The following C16orf46 variants were observed in gnomAD, a reference collection of about 807,000 sequenced individuals.
C16orf46 encodes the protein uncharacterized protein C16orf46.
C16orf46 carries 7 observed loss-of-function variants against 5.5 expected under a neutral mutation model. The observed-to-expected ratio is 1.28, with a 90% confidence interval of 0.73 to 2.40. C16orf46 has a LOEUF of 2.40. Among genes scored for constraint, C16orf46 ranks in the 30% most tolerant of loss-of-function variants. The pLI, the probability that C16orf46 is intolerant of heterozygous loss-of-function variation, is 0.00. For synonymous variants in C16orf46, 200 were observed against 184.1 expected (o/e 1.09, Z -0.70); for missense variants, 614 against 476.0 (o/e 1.29, Z -2.70).
At position 81,061,262 on chromosome 16, in the gene C16orf46, T is replaced by C. The variant is rs1817613970; in HGVS notation, c.1087A>G (p.Arg363Gly). The C allele has an allele frequency of 6.2e-7, 1 of 1,614,038 alleles. No individual in the cohort carries two copies. The highest frequency in any genetic ancestry group is 1.3e-5 in the African/African-American group (1 of 74,902). Reference sequence around the variant, plus strand: ...ACTTTGGTCTCCAGCATTTGGGGCCTGTTTTCCTGCTTGGCCTTTGGGAGA... The same window carrying C: ...ACTTTGGTCTCCAGCATTTGGGGCCCGTTTTCCTGCTTGGCCTTTGGGAGA... ...HVLPKAKQENRPQMLETKVFP... is the reference protein window; with the variant it reads ...HVLPKAKQENGPQMLETKVFP... Residue 363 changes from arginine (R) to glycine (G), a missense_variant, in exon 4 of 4, where the codon AGG becomes GGG. Arg to Gly is a moderately radical substitution (Grantham distance 125). Coordinates refer to ENST00000299578, the MANE Select transcript of C16orf46 (RefSeq NM_152337.3).
rs771489469 is a variant in C16orf46 at position 81,061,775 on chromosome 16, C to T, written c.574G>A (p.Gly192Arg). ...RGKASGNPSGGAHRGLSIPGP... is the reference protein window; with the variant it reads ...RGKASGNPSGRAHRGLSIPGP... ...GGGATGGACAGCCCTCTGTGGGCCC[C>T]TCCACTGGGATTCCCAGAGGCCTTG... Residue 192 changes from glycine to arginine, a missense_variant, in exon 4 of 4, where the codon GGG becomes AGG. Coordinates refer to ENST00000299578, the MANE Select transcript of C16orf46 (RefSeq NM_152337.3). 1 of 1,613,928 alleles carries T rather than the reference C, an allele frequency of 6.2e-7. No individual in the cohort carries two copies. Among genetic ancestry groups the T allele is most frequent in the East Asian group, 2.2e-5 (1 of 44,872 alleles).
chr16:81,060,932 G>GT, downstream of C16orf46: 1 of 1,278,244 alleles, frequency 7.8e-7, no homozygotes, highest in Non-Finnish European at 1.0e-6. Flanking sequence ...GCAGAAGCAC[G>GT]TTAACACATG....
intron 2 of C16orf46, among the ~76,000 whole-genome samples, chr16:81,065,177 A>G (rs190027385): frequency 1.7e-4 from 26 of 152,300 alleles, no homozygotes; most frequent in Non-Finnish European, 1.5e-4. Flanking sequence ...CTCATCTATA[A>G]AAAGGGCTAA....
At chr16:81,071,678 G>A (rs540462976) in intron 1 of C16orf46, among the ~76,000 whole-genome samples, 1 of 152,050 alleles carries the variant, frequency 6.6e-6, no homozygotes, top group African/African-American at 2.4e-5. Context: ...CCCGGAGGGA[G>A]ATCTTGTCTC....
downstream of C16orf46, among the ~76,000 whole-genome samples, chr16:81,058,366 C>T (rs911826768): frequency 6.6e-6 from 1 of 152,142 alleles, no homozygotes; most frequent in African/African-American, 2.4e-5. Flanking sequence ...GGAGATTGAA[C>T]TTGAAAAGTT....
chr16:81,056,695 C>CAAAAA (rs10539282), downstream of C16orf46, among the ~76,000 whole-genome samples: 1 of 85,604 alleles, frequency 1.2e-5, no homozygotes, highest in African/African-American at 4.3e-5. Flanking sequence ...GACTCCGTCT[C>CAAAAA]AAAAAAAAAA....
chr16:81,069,644 A>G (rs1971777817), intron 1 of C16orf46, among the ~76,000 whole-genome samples: 1 of 152,184 alleles, frequency 6.6e-6, no homozygotes. Flanking sequence ...TACCACATTA[A>G]TCTGGTATCA....
chr16:81,055,616 C>A (rs565144664), intron 3 of C16orf46, among the ~76,000 whole-genome samples: 2 of 152,306 alleles, frequency 1.3e-5, no homozygotes, highest in East Asian at 3.9e-4. Context: ...ATCGCTTAAA[C>A]CCTGCAGGCT....
At chr16:81,064,944 C>T (rs945412719) in intron 2 of C16orf46, among the ~76,000 whole-genome samples, 15 of 152,092 alleles carry the variant, frequency 9.9e-5, no homozygotes. Context: ...CTCAGTCTGT[C>T]GTACATTGTC....
At position 81,061,627 on chromosome 16, in the gene C16orf46, A is replaced by G; in HGVS notation, c.722T>C (p.Leu241Pro). Reference sequence around the variant, plus strand: ...CACACACCCATCCTTTTCCACATCCAGCACCTTCTCTTCTGACTGCAAGAA... The same window carrying G: ...CACACACCCATCCTTTTCCACATCCGGCACCTTCTCTTCTGACTGCAAGAA... The part of the protein sequence containing the change: ...NSFLQSEEKV[L>P]DVEKDGCVAY... Residue 241 changes from leucine to proline, a missense_variant, in exon 4 of 4, where the codon CTG becomes CCG. By Grantham distance (98) the Leu-to-Pro change is moderately conservative. Coordinates refer to ENST00000299578, the MANE Select transcript of C16orf46 (RefSeq NM_152337.3). 1 of 1,614,182 alleles carries G rather than the reference A, an allele frequency of 6.2e-7. No homozygotes were observed. The highest frequency in any genetic ancestry group is 2.2e-5 in the East Asian group (1 of 44,880).
chr16:81,054,053 G>A (rs779688953), exon 4 of C16orf46: 4 of 1,608,238 alleles, frequency 2.5e-6, no homozygotes, highest in East Asian at 4.5e-5. Context: ...AGGACTGAAT[G>A]TGAAACTGAT....
At chr16:81,064,521 A>T (rs1971590933) in intron 2 of C16orf46, among the ~76,000 whole-genome samples, 1 of 151,930 alleles carries the variant, frequency 6.6e-6, no homozygotes, top group Admixed American at 6.6e-5. Flanking sequence ...GCTGAGGCTG[A>T]TGGATCACCT....
In C16orf46 at chr16:81,061,217, G is replaced by C. The variant is rs750630345; in HGVS notation, c.1132C>G (p.Pro378Ala). The C allele has an allele frequency of 6.4e-5, 104 of 1,613,930 alleles. No homozygotes were observed. Among genetic ancestry groups the C allele is most frequent in the Non-Finnish European group, 8.5e-5 (100 of 1,179,966 alleles). The change falls in exon 4 of 4, where the codon CCG becomes GCG. Residue 378 changes from proline to alanine, a missense_variant. Pro to Ala is a conservative substitution (Grantham distance 27). Transcript: ENST00000299578. ...ETKVFPRPVL[P>A]SLTVSRVIIP... Reference sequence around the variant, plus strand: ...ATAACTCTGCTCACTGTGAGAGACGGCAAGACAGGTCTTGGGAAAACTTTG... The same window carrying C: ...ATAACTCTGCTCACTGTGAGAGACGCCAAGACAGGTCTTGGGAAAACTTTG...
chr16:81,056,695 C>CAAAA (rs10539282), downstream of C16orf46, among the ~76,000 whole-genome samples: 7 of 85,586 alleles, frequency 8.2e-5, no homozygotes, highest in African/African-American at 2.6e-4. Flanking sequence ...GACTCCGTCT[C>CAAAA]AAAAAAAAAA....
intron 1 of C16orf46, among the ~76,000 whole-genome samples, chr16:81,069,412 C>T (rs1381830680): frequency 6.6e-6 from 1 of 152,190 alleles, no homozygotes; most frequent in African/African-American, 2.4e-5. Flanking sequence ...CTGCCTGCGT[C>T]GTTGGAAACC....
At chr16:81,054,144 A>G (rs1425295824) in intron 3 of C16orf46, 1 of 1,570,990 alleles carries the variant, frequency 6.4e-7, no homozygotes, top group Admixed American at 1.7e-5. Flanking sequence ...CCATGCTGCA[A>G]TGAAAATGTG....
At chr16:81,055,142 T>C (rs1286262511) in intron 3 of C16orf46, among the ~76,000 whole-genome samples, 2 of 152,194 alleles carry the variant, frequency 1.3e-5, no homozygotes, top group African/African-American at 4.8e-5. Flanking sequence ...GAAATTAAAA[T>C]AGACTCATGA....
chr16:81,073,355 T>C (rs77475047), intron 1 of C16orf46, among the ~76,000 whole-genome samples: 11,430 of 152,198 alleles, frequency 0.075, 482 homozygotes, highest in East Asian at 0.19. Flanking sequence ...GCAGAATTAA[T>C]AGCATATAAG....
chr16:81,062,201 T>C, intron 3 of C16orf46, 63 bp from the exon 4 acceptor site: 2 of 1,424,868 alleles, frequency 1.4e-6, no homozygotes. Flanking sequence ...TGCCCCAATT[T>C]TGGCCACATT....
Sources: gnomAD v4.1 joint callset for allele counts (sites outside exome capture counted in the v4.1 genomes callset) on GRCh38, gnomAD v4.1.1 for gene constraint, MANE v1.5 for transcripts, NCBI Gene and HGNC (gene_info 2026-07-23, HGNC 2026-07-21) for gene names.